The following NRXN1 variants were observed in gnomAD, a reference collection of about 807,000 sequenced individuals.
The protein encoded by NRXN1 is neurexin 1.
In NRXN1, 39 loss-of-function variants were observed where a neutral mutation model predicts 150.9. The observed-to-expected ratio is 0.26, with a 90% CI of 0.20 to 0.34. The LOEUF (loss-of-function observed/expected upper bound fraction) is 0.34. Among genes scored for constraint, NRXN1 ranks in the 10% least tolerant of loss-of-function variants. The pLI is 1.00. For synonymous variants in NRXN1, 924 were observed against 757.0 expected, an observed-to-expected ratio of 1.22 and a Z score of -3.62; for missense variants, 1,815 against 1,949.9, an observed-to-expected ratio of 0.93 and a Z score of 1.30.
Position 50,561,715 on chromosome 2 carries a change from G to T in NRXN1, c.1321-8690C>A, listed in dbSNP as rs939418477. Among the ~76,000 whole-genome samples, 3 of 152,298 alleles carry T rather than the reference G, an allele frequency of 2.0e-5. No homozygotes were observed. In the East Asian group the frequency reaches 5.8e-4, roughly 29 times the overall value. ...AAGGTGACTCCAACTTTAAAACTAT[G>T]TTAGCTTCATAATAAGTTGATTTTC... On this transcript the variant is annotated intron_variant, in intron 8 of 22. Coordinates refer to ENST00000401669, the MANE Select transcript of NRXN1 (RefSeq NM_001330078.2).
intron 8 of NRXN1, among the ~76,000 whole-genome samples, chr2:50,605,548 T>A (rs1016888979): frequency 6.6e-6 from 1 of 152,064 alleles, no homozygotes; most frequent in Non-Finnish European, 1.5e-5. Context: ...ACGTCAGTAA[T>A]CACCAGAGAA....
chr2:50,013,256 T>C (rs1303605409), intron 21 of NRXN1, among the ~76,000 whole-genome samples: 1 of 144,448 alleles, frequency 6.9e-6, no homozygotes, highest in Non-Finnish European at 1.5e-5. Context: ...GTTGTTGAGA[T>C]ATTACTATTA....
At chr2:49,990,686 G>A (rs964841486) in intron 21 of NRXN1, among the ~76,000 whole-genome samples, 1 of 152,130 alleles carries the variant, frequency 6.6e-6, no homozygotes, top group Non-Finnish European at 1.5e-5. Context: ...GAAGAAATGA[G>A]TGAAGGATGA....
At chr2:50,013,273 C>CTTTTTTTT (rs3046630) in intron 21 of NRXN1, among the ~76,000 whole-genome samples, 8 of 136,130 alleles carry the variant, frequency 5.9e-5, no homozygotes, top group African/African-American at 1.6e-4. Context: ...ATTAAAGTTT[C>CTTTTTTTT]TTTTTTTTTT....
At chr2:50,279,616 G>A (rs537928348) in intron 17 of NRXN1, among the ~76,000 whole-genome samples, 4 of 152,216 alleles carry the variant, frequency 2.6e-5, no homozygotes, top group African/African-American at 7.2e-5. Context: ...CAACTCTGAT[G>A]AAGCTTTATA....
At chr2:50,943,715 A>G (rs1689861586) in intron 2 of NRXN1, among the ~76,000 whole-genome samples, 1 of 152,222 alleles carries the variant, frequency 6.6e-6, no homozygotes, top group Non-Finnish European at 1.5e-5. Context: ...GTAAAAATAA[A>G]AGAAGGCTCA....
At chr2:50,121,598 T>G (rs953986526) in intron 18 of NRXN1, among the ~76,000 whole-genome samples, 3 of 152,170 alleles carry the variant, frequency 2.0e-5, no homozygotes, top group African/African-American at 7.2e-5. Flanking sequence ...GAACCAATCC[T>G]TGGAGGAACA....
intron 18 of NRXN1, chr2:50,207,642 C>T (rs1438740526): frequency 5.9e-6 from 1 of 168,264 alleles, no homozygotes; most frequent in Non-Finnish European, 1.5e-5. Flanking sequence ...CTTCAAAGGC[C>T]ATCTATGTTC....
chr2:50,814,958 A>G (rs1165677681), intron 5 of NRXN1, among the ~76,000 whole-genome samples: 1 of 151,884 alleles, frequency 6.6e-6, no homozygotes, highest in Non-Finnish European at 1.5e-5. Context: ...ATTCTACGAC[A>G]TAGAATAAGG....
chr2:51,001,032 A>G (rs1281334077), intron 2 of NRXN1, among the ~76,000 whole-genome samples: 1 of 151,968 alleles, frequency 6.6e-6, no homozygotes, highest in Non-Finnish European at 1.5e-5. Flanking sequence ...ACAACAAAAG[A>G]ACATAGGAAA....
In NRXN1 at chr2:50,855,301, T is replaced by C. The variant is rs895565755; in HGVS notation, c.832+66568A>G. Among the ~76,000 whole-genome samples, 3 of 152,056 alleles carry C rather than the reference T, an allele frequency of 2.0e-5. No individual in the cohort carries two copies. The East Asian group carries it at 5.8e-4, about 29-fold the overall frequency. On this transcript the variant is annotated intron_variant, in intron 5 of 22. Transcript: ENST00000401669. ...ACTTTATACAAGCAATGAACGTATGTTTCAAATATGCAAATTAAATATTTT... is the reference window on the plus strand; with the variant it reads ...ACTTTATACAAGCAATGAACGTATGCTTCAAATATGCAAATTAAATATTTT...
intron 8 of NRXN1, among the ~76,000 whole-genome samples, chr2:50,604,505 T>C (rs184742315): frequency 6.6e-6 from 1 of 152,296 alleles, no homozygotes; most frequent in Admixed American, 6.5e-5. Flanking sequence ...TCCCCATGCA[T>C]CTTTTCTCCA....
intron 17 of NRXN1, chr2:50,417,339 T>C (rs1460369489): frequency 6.6e-6 from 1 of 152,138 alleles, no homozygotes; most frequent in African/African-American, 2.4e-5. Context: ...TACTATTTTA[T>C]TGGGTACAGA....
chr2:50,913,354 AT>A (rs1684792383), intron 5 of NRXN1, among the ~76,000 whole-genome samples: 1 of 151,728 alleles, frequency 6.6e-6, no homozygotes, highest in Admixed American at 6.6e-5. Context: ...CCCAATCTAA[AT>A]TTGATTGTTT....
chr2:50,742,743 T>C (rs538701846), intron 5 of NRXN1, among the ~76,000 whole-genome samples: 2 of 152,242 alleles, frequency 1.3e-5, no homozygotes, highest in Admixed American at 6.5e-5. Flanking sequence ...CTTGAGAGGA[T>C]TGAGTCCTCA....
chr2:50,512,428 T>A (rs2092484498), intron 12 of NRXN1, among the ~76,000 whole-genome samples: 2 of 152,244 alleles, frequency 1.3e-5, no homozygotes, highest in East Asian at 3.8e-4. Flanking sequence ...ATGTTACAAC[T>A]ATTTTTGTTA....
chr2:50,612,498 GC>G (rs1215209087), intron 8 of NRXN1, among the ~76,000 whole-genome samples: 1 of 152,048 alleles, frequency 6.6e-6, no homozygotes, highest in African/African-American at 2.4e-5. Context: ...TGTTCCTGAT[GC>G]CCCCAGGCAC....
chr2:50,556,952 A>G lies in NRXN1; in HGVS notation c.1321-3927T>C, dbSNP rs529515087. Among the ~76,000 whole-genome samples, 7 of 152,180 alleles carry G rather than the reference A, an allele frequency of 4.6e-5. No individual in the cohort carries two copies. The East Asian group carries it at 1.3e-3, about 29-fold the overall frequency. On this transcript the variant is annotated intron_variant, in intron 8 of 22. Transcript: ENST00000401669. ...TTAATATGTGTGATTTGGGACAGAC[A>G]TAAAAGATGGTCGATTGTTCCTGAC... is the stretch of plus-strand genomic sequence containing the variant.
chr2:50,611,603 GA>G (rs1340016045), intron 8 of NRXN1, among the ~76,000 whole-genome samples: 1 of 152,156 alleles, frequency 6.6e-6, no homozygotes, highest in Non-Finnish European at 1.5e-5. Context: ...ACAATGCACA[GA>G]AGTGAACTTA....
Sources: gnomAD v4.1 joint callset for allele counts (sites outside exome capture counted in the v4.1 genomes callset) on GRCh38, gnomAD v4.1.1 for gene constraint, MANE v1.5 for transcripts, NCBI Gene and HGNC (gene_info 2026-07-23, HGNC 2026-07-21) for gene names.